Variants in MANBA observed in about 807,000 individuals in gnomAD.
MANBA encodes the protein beta-mannosidase.
Under a neutral mutation model 111.1 loss-of-function variants are expected in MANBA, and 83 were observed. The ratio of observed to expected loss-of-function variants is 0.75; its 90% CI spans 0.63 to 0.90. The LOEUF is 0.90. Among genes scored for constraint, MANBA ranks in the 40% least tolerant of loss-of-function variants. The pLI is 0.00. For missense variants in MANBA, 1,036 were observed against 1,069.0 expected, an observed-to-expected ratio of 0.97 and a Z score of 0.43; for synonymous variants, 370 against 378.7, an observed-to-expected ratio of 0.98 and a Z score of 0.27.
At chr4:102,661,993 T>C (rs922926354) in intron 11 of MANBA, among the ~76,000 whole-genome samples, 5 of 152,232 alleles carry the variant, frequency 3.3e-5, no homozygotes, top group African/African-American at 1.2e-4. Flanking sequence ...TTTAATACTA[T>C]TCATCTTTGA....
intron 5 of MANBA, among the ~76,000 whole-genome samples, chr4:102,697,627 G>A (rs1253371285): frequency 7.4e-5 from 11 of 147,654 alleles, no homozygotes; most frequent in East Asian, 4.0e-4. Context: ...TTGTTCTTGC[G>A]ATAGTTTACT....
intron 5 of MANBA, among the ~76,000 whole-genome samples, chr4:102,699,905 A>G (rs1732934479): frequency 1.3e-5 from 2 of 150,796 alleles, no homozygotes; most frequent in South Asian, 2.1e-4. Context: ...CTCTTTTTCT[A>G]TTGATTGGAA....
At chr4:102,647,033 A>C (rs911851446) in intron 13 of MANBA, among the ~76,000 whole-genome samples, 1 of 151,942 alleles carries the variant, frequency 6.6e-6, no homozygotes, top group South Asian at 2.1e-4. Flanking sequence ...AGACTATGAG[A>C]AAAAGAACAG....
intron 11 of MANBA, among the ~76,000 whole-genome samples, chr4:102,659,180 C>T (rs963913634): frequency 1.3e-5 from 2 of 152,282 alleles, no homozygotes; most frequent in Non-Finnish European, 2.9e-5. Context: ...GTTCAGCAGA[C>T]AGCCATGGTG....
intron 5 of MANBA, among the ~76,000 whole-genome samples, chr4:102,692,233 C>G (rs938593604): frequency 3.3e-5 from 5 of 151,998 alleles, no homozygotes; most frequent in Non-Finnish European, 7.4e-5. Context: ...GAAAATGCCA[C>G]TTGGAAAAGC....
chr4:102,654,667 T>G (rs1025763106), intron 12 of MANBA, among the ~76,000 whole-genome samples: 7 of 152,164 alleles, frequency 4.6e-5, no homozygotes, highest in Admixed American at 3.9e-4. Context: ...CTCAGCTAAC[T>G]AGAAATAAAA....
chr4:102,718,152 G>T (rs1159399111), intron 4 of MANBA, among the ~76,000 whole-genome samples: 1 of 152,230 alleles, frequency 6.6e-6, no homozygotes, highest in Non-Finnish European at 1.5e-5. Flanking sequence ...AAGGTGTCAA[G>T]AAAAACTCAA....
intron 7 of MANBA, among the ~76,000 whole-genome samples, chr4:102,686,764 A>G (rs1292212831): frequency 6.6e-6 from 1 of 152,060 alleles, no homozygotes; most frequent in Non-Finnish European, 1.5e-5. Flanking sequence ...AGATTCTTCT[A>G]CTGGCTTCTC....
At position 102,670,073 on chromosome 4, in the gene MANBA, T is replaced by G. The variant is rs1413644492; in HGVS notation, c.1231-1024A>C. Among the ~76,000 whole-genome samples, 4 of 150,040 alleles carry G rather than the reference T, an allele frequency of 2.7e-5. No individual in the cohort carries two copies. In the East Asian group the frequency reaches 7.8e-4, roughly 29 times the overall value. ...GGTAGGCTGAGGCAGGAGAATCGCT[T>G]GAACCCAGGAGGTGAAGGCTGCAGT... On this transcript the variant is annotated intron_variant, in intron 9 of 16. Transcript: ENST00000647097.
Position 102,673,113 on chromosome 4 carries a change from TC to T in MANBA, c.1112+805del, listed in dbSNP as rs201045833. Reference sequence around the variant, plus strand: ...CTCTGACCAACAGCTCCCAGTTTCCTCCCCACCCTCCCACAACCGCGCCTCC... The same window carrying T: ...CTCTGACCAACAGCTCCCAGTTTCCTCCCACCCTCCCACAACCGCGCCTCC... On this transcript the variant is annotated intron_variant, in intron 8 of 16. Transcript: ENST00000647097. Among the ~76,000 whole-genome samples the T allele has an allele frequency of 3.3e-4, 50 of 152,226 alleles. 1 individual carries two copies. The East Asian group carries it at 8.9e-3, about 27-fold the overall frequency.
intron 7 of MANBA, among the ~76,000 whole-genome samples, chr4:102,674,350 A>C (rs1388639064): frequency 6.6e-6 from 1 of 152,220 alleles, no homozygotes; most frequent in African/African-American, 2.4e-5. Context: ...AACATCAAAA[A>C]AGACAATTTG....
intron 4 of MANBA, among the ~76,000 whole-genome samples, chr4:102,722,162 A>G (rs1003624660): frequency 1.3e-5 from 2 of 152,124 alleles, no homozygotes; most frequent in Non-Finnish European, 2.9e-5. Context: ...GGTAATGGGT[A>G]GAGTTTCAGT....
At position 102,714,449 on chromosome 4, in the gene MANBA, GA is replaced by G; in HGVS notation, c.661del (p.Ser221ProfsTer15). 1.2e-6 allele frequency: 2 copies of G among 1,605,124 alleles called. No individual in the cohort carries two copies. The highest frequency in any genetic ancestry group is 1.7e-6 in the Non-Finnish European group (2 of 1,171,966). Reference protein sequence around the residue: ...NICHLNYFTFSPIYDKSAQEW... With the variant: ...NICHLNYFTFXPIYDKSAQEW... ...ATCTTTCAGCTTACCATATATTGGG[GA>G]AAATGTGAAGTAGTTCAGGTGACAA... On this transcript the variant is annotated frameshift_variant, in exon 5 of 17. Transcript: ENST00000647097. LOFTEE classifies it high-confidence loss of function.
intron 1 of MANBA, among the ~76,000 whole-genome samples, chr4:102,734,175 G>A (rs1194222046): frequency 1.3e-5 from 2 of 152,218 alleles, no homozygotes; most frequent in East Asian, 3.8e-4. Flanking sequence ...GGGGAATGTT[G>A]AAGAATGGGA....
At chr4:102,636,797 T>G (rs1345432760) in intron 14 of MANBA, among the ~76,000 whole-genome samples, 1 of 152,162 alleles carries the variant, frequency 6.6e-6, no homozygotes, top group African/African-American at 2.4e-5. Context: ...GGTACTTGGG[T>G]TTTCCTACTG....
intron 11 of MANBA, among the ~76,000 whole-genome samples, chr4:102,661,255 C>A (rs1241273551): frequency 6.6e-6 from 1 of 152,110 alleles, no homozygotes; most frequent in Admixed American, 6.5e-5. Flanking sequence ...TTTTTAGATT[C>A]TTTCAGTTAA....
At chr4:102,749,102 G>C (rs1723692514) in intron 1 of MANBA, among the ~76,000 whole-genome samples, 1 of 151,104 alleles carries the variant, frequency 6.6e-6, no homozygotes, top group South Asian at 2.1e-4. Flanking sequence ...CAACAGACGT[G>C]AGAAAAAAAA....
At chr4:102,699,574 T>C (rs1363982274) in intron 5 of MANBA, among the ~76,000 whole-genome samples, 1 of 151,124 alleles carries the variant, frequency 6.6e-6, no homozygotes, top group South Asian at 2.1e-4. Flanking sequence ...TGAAGGGTTG[T>C]TGAATTTTGT....
intron 7 of MANBA, among the ~76,000 whole-genome samples, chr4:102,688,557 C>A (rs771776830): frequency 6.6e-6 from 1 of 152,130 alleles, no homozygotes; most frequent in African/African-American, 2.4e-5. Flanking sequence ...GTGACACCAG[C>A]CAACTGTAAA....
Sources: gnomAD v4.1 joint callset for allele counts (sites outside exome capture counted in the v4.1 genomes callset) on GRCh38, gnomAD v4.1.1 for gene constraint, MANE v1.5 for transcripts, NCBI Gene and HGNC (gene_info 2026-07-23, HGNC 2026-07-21) for gene names.